The following RAB2A variants were observed in gnomAD, a reference collection of about 807,000 sequenced individuals.
RAB2A encodes RAB2A, member RAS oncogene family.
A neutral mutation model predicts 32.5 loss-of-function variants in RAB2A; 7 were observed. That is an observed-to-expected ratio of 0.22 (90% CI 0.12 to 0.40). The LOEUF is 0.40. RAB2A is among the 10% of genes least tolerant of loss of function. The pLI is 1.00. For missense variants in RAB2A, 108 were observed against 260.7 expected, an observed-to-expected ratio of 0.41 and a Z score of 4.03; for synonymous variants, 79 against 85.2, an observed-to-expected ratio of 0.93 and a Z score of 0.40.
intron 3 of RAB2A, among the ~76,000 whole-genome samples, chr8:60,576,895 CA>C (rs934922506): frequency 6.6e-6 from 1 of 152,172 alleles, no homozygotes; most frequent in African/African-American, 2.4e-5. Context: ...AGCAATTCAT[CA>C]ACATTTTTTT....
chr8:60,518,699 G>T (rs369295549), intron 1 of RAB2A, among the ~76,000 whole-genome samples: 1 of 151,630 alleles, frequency 6.6e-6, no homozygotes, highest in South Asian at 2.1e-4. Context: ...TGATGCGTGC[G>T]TGCGTGTGTG....
At chr8:60,576,147 A>G (rs1251162351) in intron 3 of RAB2A, 5 of 450,160 alleles carry the variant, frequency 1.1e-5, no homozygotes, top group Non-Finnish European at 1.8e-5. Flanking sequence ...GCCTCCCTTT[A>G]AGCACTGACA....
At chr8:60,572,391 A>G (rs77221358) in intron 3 of RAB2A, among the ~76,000 whole-genome samples, 2,932 of 152,268 alleles carry the variant, frequency 0.019, 62 homozygotes, top group South Asian at 0.072. Flanking sequence ...TTTTTAAGAA[A>G]AACAATCAGC....
intron 2 of RAB2A, among the ~76,000 whole-genome samples, chr8:60,563,225 G>A (rs114025454): frequency 6.6e-6 from 1 of 152,146 alleles, no homozygotes; most frequent in Non-Finnish European, 1.5e-5. Flanking sequence ...GTTTTTAAAA[G>A]CCTCTATACA....
intron 6 of RAB2A, among the ~76,000 whole-genome samples, chr8:60,600,453 C>T (rs1042659538): frequency 6.6e-6 from 1 of 152,158 alleles, no homozygotes; most frequent in Non-Finnish European, 1.5e-5. Context: ...TCTTACGTTG[C>T]ATGTGGGAAT....
Position 60,621,778 on chromosome 8 carries a change from T to G in RAB2A, c.*1009T>G, listed in dbSNP as rs1482916547. 2.6e-5 allele frequency: 4 copies of G among 152,184 alleles called. No homozygotes were observed. Among genetic ancestry groups the G allele is most frequent in the Non-Finnish European group, 5.9e-5 (4 of 68,028 alleles). The allele number at this position is 152,184 out of a possible 1,614,324, so 9.4% of individuals were successfully genotyped here. A position where few individuals can be genotyped will look rare whatever the true frequency, so the allele number is the denominator to read the frequency against. ...TTGATGTACAGTGACTGTGTAAAAT[T>G]TTTCTTTCAGTGGCAACCTCTATAA... On this transcript the variant is annotated 3_prime_UTR_variant, in exon 8 of 8. Transcript: ENST00000262646.
At chr8:60,555,896 A>G (rs750194626) in intron 1 of RAB2A, among the ~76,000 whole-genome samples, 1 of 152,202 alleles carries the variant, frequency 6.6e-6, no homozygotes, top group African/African-American at 2.4e-5. Context: ...AGTAGTGTTA[A>G]TATCTGCACT....
intron 1 of RAB2A, among the ~76,000 whole-genome samples, chr8:60,553,950 A>T (rs904634689): frequency 4.6e-5 from 7 of 152,322 alleles, no homozygotes; most frequent in African/African-American, 9.6e-5. Context: ...TTCCTTTATA[A>T]AAGGTACCAG....
Position 60,615,645 on chromosome 8 carries a change from G to A in RAB2A, c.475-2935G>A, listed in dbSNP as rs547487564. On this transcript the variant is annotated intron_variant, in intron 6 of 7. Transcript: ENST00000262646. ...GGAGATTTTATCTGTGACACCCAAG[G>A]CTCTTACCTTAGAACTTTTATTTGA... Among the ~76,000 whole-genome samples the A allele has an allele frequency of 2.0e-5, 3 of 152,138 alleles. No individual in the cohort carries two copies. In the East Asian group the frequency reaches 5.8e-4, roughly 29 times the overall value.
At chr8:60,518,500 AC>A in intron 1 of RAB2A, among the ~76,000 whole-genome samples, 2 of 129,572 alleles carry the variant, frequency 1.5e-5, no homozygotes. Flanking sequence ...TACTAAAAGT[AC>A]AAAAGTTAGC....
intron 1 of RAB2A, among the ~76,000 whole-genome samples, chr8:60,548,842 A>G (rs1807793206): frequency 6.7e-6 from 1 of 149,096 alleles, no homozygotes; most frequent in Non-Finnish European, 1.5e-5. Context: ...TCCCTCCCGG[A>G]CGAGGTGGCT....
At chr8:60,616,820 A>G (rs1331367240) in intron 6 of RAB2A, among the ~76,000 whole-genome samples, 2 of 152,198 alleles carry the variant, frequency 1.3e-5, no homozygotes, top group East Asian at 1.9e-4. Flanking sequence ...TGCTTGGTGC[A>G]GTAATTGAGC....
intron 3 of RAB2A, among the ~76,000 whole-genome samples, chr8:60,579,909 G>A (rs2130845984): frequency 6.6e-6 from 1 of 152,126 alleles, no homozygotes; most frequent in East Asian, 1.9e-4. Flanking sequence ...TTACAGGCGT[G>A]AGCCACCGCG....
At chr8:60,608,550 C>T (rs1244711764) in intron 6 of RAB2A, among the ~76,000 whole-genome samples, 9 of 142,728 alleles carry the variant, frequency 6.3e-5, no homozygotes, top group African/African-American at 2.3e-4. Flanking sequence ...TTCTCTCTCT[C>T]CTCTCTCTCC....
intron 6 of RAB2A, among the ~76,000 whole-genome samples, chr8:60,600,088 A>G (rs935500068): frequency 2.0e-5 from 3 of 150,164 alleles, no homozygotes; most frequent in African/African-American, 4.9e-5. Flanking sequence ...AAACAATGCA[A>G]TTACAAAATG....
chr8:60,581,294 CT>C (rs1399123603), intron 3 of RAB2A, among the ~76,000 whole-genome samples: 3 of 152,174 alleles, frequency 2.0e-5, no homozygotes, highest in Non-Finnish European at 4.4e-5. Context: ...ATCAGAAACA[CT>C]TCTGGTTCAA....
At chr8:60,584,867 GTTTA>G (rs770967700) in intron 5 of RAB2A, 52 bp downstream of exon 5, 284 of 1,276,470 alleles carry the variant, frequency 2.2e-4, no homozygotes, top group Non-Finnish European at 5.7e-5. Context: ...AGACTGTACT[GTTTA>G]TTTGACTACT....
chr8:60,516,962 G>C (rs1807212675), upstream of RAB2A: 1 of 405,672 alleles, frequency 2.5e-6, no homozygotes, highest in Non-Finnish European at 4.4e-6. Context: ...CGCGGAGGCG[G>C]GGCGGAGGCG....
chr8:60,596,707 G>T (rs1466186682), intron 6 of RAB2A, among the ~76,000 whole-genome samples: 2 of 152,120 alleles, frequency 1.3e-5, no homozygotes, highest in Non-Finnish European at 2.9e-5. Flanking sequence ...CGGATCACAA[G>T]GTCAGGAGAT....
Sources: allele counts gnomAD v4.1 joint callset (sites outside exome capture counted in the v4.1 genomes callset), GRCh38; gene constraint gnomAD v4.1.1; transcripts MANE v1.5; gene names NCBI Gene and HGNC (gene_info 2026-07-23, HGNC 2026-07-21).